SSR1: variants seen among roughly 807,000 people sequenced by gnomAD.
The protein encoded by SSR1 is translocon-associated protein subunit alpha.
A neutral mutation model predicts 36.1 loss-of-function variants in SSR1; 13 were observed. The ratio of observed to expected loss-of-function variants is 0.36; its 90% CI spans 0.23 to 0.57. The LOEUF (loss-of-function observed/expected upper bound fraction) is 0.57. SSR1 is among the 20% of genes least tolerant of loss of function. The pLI is 0.81. For missense variants in SSR1, 291 were observed against 338.5 expected (o/e 0.86, Z 1.10); for synonymous variants, 113 against 118.9 (o/e 0.95, Z 0.32).
chr6:7,313,147 C>CCGT lies in SSR1; in HGVS notation c.-30_-28dup, dbSNP rs765662905. The CCGT allele has an allele frequency of 1.2e-4, 185 of 1,588,740 alleles. 3 individuals are homozygous for CCGT. The South Asian group carries it at 1.8e-3, about 16-fold the overall frequency. On this transcript the variant is annotated 5_prime_UTR_variant, in exon 1 of 8. Transcript: ENST00000244763. ...GCGCTGCCGGTCCAGTGTCCAGTTT[C>CCGT]CGTCGGCTAAGGCTCTCGGCGGCTC...
In SSR1 at chr6:7,291,720, T is replaced by C. The variant is rs565414369; in HGVS notation, c.794-1789A>G. Among the ~76,000 whole-genome samples the C allele has an allele frequency of 1.0e-3, 153 of 152,338 alleles. No homozygotes were observed. The Middle Eastern group carries it at 0.027, about 27-fold the overall frequency. On this transcript the variant is annotated intron_variant, in intron 7 of 7. Coordinates refer to ENST00000244763, the MANE Select transcript of SSR1 (RefSeq NM_003144.5). ...TAAGCAGTATGCTGAACATAGTCTT[T>C]TGAGGATTCAAAAAGTACTCTAGGA...
intron 6 of SSR1, chr6:7,297,342 A>G (rs760543959): frequency 1.9e-5 from 3 of 161,336 alleles, no homozygotes; most frequent in Non-Finnish European, 4.1e-5. Flanking sequence ...GGGAATAAAA[A>G]TTCTAGCATT....
In SSR1 at chr6:7,285,065, A is replaced by G. The variant is rs1430402533; in HGVS notation, c.*4799T>C. On this transcript the variant is annotated 3_prime_UTR_variant, in exon 8 of 8. Coordinates refer to ENST00000244763, the MANE Select transcript of SSR1 (RefSeq NM_003144.5). This position sits in a 1 kb window ranked among gnomAD's most constrained non-coding sequence, Gnocchi z 4.1. The stretch of plus-strand genomic sequence containing the variant: ...GAATGGCAAATGAAAACTGGCCCAC[A>G]TTTTCTTGTTCCTTCTTCAAAGAGT... The G allele has an allele frequency of 1.3e-5, 2 of 152,170 alleles. No homozygotes were observed. The highest frequency in any genetic ancestry group is 6.5e-5 in the Admixed American group (1 of 15,270). The allele number at this position is 152,170 out of a possible 1,614,324, so 9.4% of individuals were successfully genotyped here. A position where few individuals can be genotyped will look rare whatever the true frequency, so the allele number is the denominator to read the frequency against.
chr6:7,310,840 G>A (rs528836016), intron 1 of SSR1, among the ~76,000 whole-genome samples: 7 of 152,306 alleles, frequency 4.6e-5, no homozygotes, highest in African/African-American at 1.2e-4. Flanking sequence ...GAACCCAGGA[G>A]GCAGAAGTTG....
intron 2 of SSR1, 179 bp downstream of exon 2, chr6:7,309,738 C>T (rs1486032901): frequency 2.1e-5 from 13 of 607,042 alleles, no homozygotes; most frequent in Non-Finnish European, 1.5e-5. Flanking sequence ...ATGTTTGCTT[C>T]AATTTCTGCC....
intron 2 of SSR1, among the ~76,000 whole-genome samples, chr6:7,308,770 G>C (rs190870419): frequency 3.7e-4 from 56 of 152,142 alleles, no homozygotes; most frequent in Non-Finnish European, 7.1e-4. Context: ...TGAAAGAGCA[G>C]AGAAAATATC....
Position 7,298,842 on chromosome 6 carries a change from T to C in SSR1, c.544-19A>G. The C allele has an allele frequency of 6.3e-7, 1 of 1,593,922 alleles. No individual in the cohort carries two copies. Among genetic ancestry groups the C allele is most frequent in the Non-Finnish European group, 8.6e-7 (1 of 1,164,204 alleles). ...CATTGCCCTGTTTAAGAAAATAAAA[T>C]AATCAGAAAAATCTAAATGCAATAA... is the stretch of plus-strand genomic sequence containing the variant. On this transcript the variant is annotated intron_variant, in intron 4 of 7. Transcript: ENST00000244763.
chr6:7,303,008 T>C (rs1267714582), intron 3 of SSR1, among the ~76,000 whole-genome samples: 2 of 151,014 alleles, frequency 1.3e-5, no homozygotes, highest in Non-Finnish European at 2.9e-5. Context: ...TGGTGGCACG[T>C]GCCTGTAATC....
intron 2 of SSR1, among the ~76,000 whole-genome samples, chr6:7,306,785 G>C (rs193087811): frequency 1.3e-5 from 2 of 151,658 alleles, no homozygotes; most frequent in Admixed American, 6.6e-5. Context: ...GTGTGGTGGC[G>C]GGCGCCTATA....
In SSR1 at chr6:7,301,530, G is replaced by A. The variant is rs1757932841; in HGVS notation, c.323C>T (p.Thr108Ile). 1.2e-6 allele frequency: 2 copies of A among 1,613,484 alleles called. No individual in the cohort carries two copies. Among genetic ancestry groups the A allele is most frequent in the African/African-American group, 2.7e-5 (2 of 74,898 alleles). ...NNIVKFLVGFTNKGTEDFIVE... is the reference protein window; with the variant it reads ...NNIVKFLVGFINKGTEDFIVE... ...AATAAAATCTTCTGTACCCTTGTTG[G>A]TAAAGCCTACCAGGAACTTCACAAT... Residue 108 changes from threonine to isoleucine, a missense_variant, in exon 4 of 8, where the codon ACC becomes ATC. Coordinates refer to ENST00000244763, the MANE Select transcript of SSR1 (RefSeq NM_003144.5).
At chr6:7,300,582 A>T (rs1466463901) in intron 4 of SSR1, among the ~76,000 whole-genome samples, 2 of 152,206 alleles carry the variant, frequency 1.3e-5, no homozygotes, top group Non-Finnish European at 2.9e-5. Context: ...TTACAAACAG[A>T]AGTAGTAAAA....
chr6:7,299,193 G>C (rs1757871030), intron 4 of SSR1, among the ~76,000 whole-genome samples: 2 of 152,142 alleles, frequency 1.3e-5, no homozygotes, highest in African/African-American at 4.8e-5. Flanking sequence ...TTTTCTTCTG[G>C]GGTAGGGGTG....
chr6:7,304,514 A>G (rs1758009208), intron 2 of SSR1, among the ~76,000 whole-genome samples: 1 of 149,584 alleles, frequency 6.7e-6, no homozygotes, highest in South Asian at 2.1e-4. Flanking sequence ...ATTTTGAAGG[A>G]AAAAAAAAAG....
rs1249618215 is a variant in SSR1 at position 7,285,769 on chromosome 6, A to G, written c.*4095T>C. 1 of 152,234 alleles carries G rather than the reference A, an allele frequency of 6.6e-6. No individual in the cohort carries two copies. Among genetic ancestry groups the G allele is most frequent in the Non-Finnish European group, 1.5e-5 (1 of 68,038 alleles). The allele number at this position is 152,234 out of a possible 1,614,324, so 9.4% of individuals were successfully genotyped here. A position where few individuals can be genotyped will look rare whatever the true frequency, so the allele number is the denominator to read the frequency against. On this transcript the variant is annotated 3_prime_UTR_variant, in exon 8 of 8. Coordinates refer to ENST00000244763, the MANE Select transcript of SSR1 (RefSeq NM_003144.5). The surrounding 1 kb of genome is among the most constrained non-coding windows in gnomAD (Gnocchi z 4.1). Reference sequence around the variant, plus strand: ...GTACTATCTGGTTCTGTAACCCAAGAGCAGATACTTCACTCTTACCTTTAA... The same window carrying G: ...GTACTATCTGGTTCTGTAACCCAAGGGCAGATACTTCACTCTTACCTTTAA...
chr6:7,299,544 C>T (rs1485046168), intron 4 of SSR1, among the ~76,000 whole-genome samples: 4 of 151,982 alleles, frequency 2.6e-5, no homozygotes, highest in Non-Finnish European at 4.4e-5. Context: ...ACTAAAAATA[C>T]AAAATTAGCC....
intron 2 of SSR1, among the ~76,000 whole-genome samples, chr6:7,307,187 A>G (rs1232788867): frequency 2.6e-5 from 4 of 152,106 alleles, no homozygotes; most frequent in Non-Finnish European, 4.4e-5. Flanking sequence ...TAGCTCATTC[A>G]GTTCTGGAGG....
In SSR1 at chr6:7,303,617, T is replaced by C; in HGVS notation, c.213A>G (p.Glu71=). 3 of 1,613,036 alleles carry C rather than the reference T, an allele frequency of 1.9e-6. No individual in the cohort carries two copies. The South Asian group carries it at 3.3e-5, about 18-fold the overall frequency. ...PTDLVEDKEE[E]DVSGEPEASP... is the part of the protein sequence containing the mutation. ...AAGCTTCAGGTTCACCAGACACATCTTCTTCCTCTTTATCTTCTACCTAAG... is the reference window on the plus strand; with the variant it reads ...AAGCTTCAGGTTCACCAGACACATCCTCTTCCTCTTTATCTTCTACCTAAG... Residue 71 remains glutamate, a synonymous_variant, in exon 3 of 8, where the codon GAA becomes GAG. Coordinates refer to ENST00000244763, the MANE Select transcript of SSR1 (RefSeq NM_003144.5).
intron 2 of SSR1, among the ~76,000 whole-genome samples, chr6:7,306,929 G>A (rs1464963661): frequency 3.4e-5 from 5 of 147,328 alleles, no homozygotes; most frequent in Non-Finnish European, 5.9e-5. Flanking sequence ...TGGTGGGGGG[G>A]TGGGGGAAAG....
intron 2 of SSR1, among the ~76,000 whole-genome samples, chr6:7,307,086 A>G (rs779701745): frequency 6.6e-6 from 1 of 152,240 alleles, no homozygotes; most frequent in Non-Finnish European, 1.5e-5. Context: ...CCAGTGGCAA[A>G]GGATCCTTCC....
Sources: allele counts gnomAD v4.1 joint callset (sites outside exome capture counted in the v4.1 genomes callset), GRCh38; gene constraint gnomAD v4.1.1; non-coding constraint Gnocchi (gnomAD v3.1); transcripts MANE v1.5; gene names NCBI Gene and HGNC (gene_info 2026-07-23, HGNC 2026-07-21).